The following RABGAP1L variants were observed in gnomAD, a reference collection of about 807,000 sequenced individuals.
RABGAP1L encodes the protein rab GTPase-activating protein 1-like.
A neutral mutation model predicts 137.7 loss-of-function variants in RABGAP1L; 63 were observed. The ratio of observed to expected loss-of-function variants is 0.46; its 90% confidence interval spans 0.37 to 0.56. The LOEUF (loss-of-function observed/expected upper bound fraction) is 0.56, where lower values mean the gene tolerates loss of function less well. Ranked by LOEUF, RABGAP1L falls within the 20% of genes least tolerant of loss-of-function variation. The pLI is 0.00. For missense variants in RABGAP1L, 1,095 were observed against 1,244.0 expected, an observed-to-expected ratio of 0.88 and a Z score of 1.80; for synonymous variants, 431 against 433.7, an observed-to-expected ratio of 0.99 and a Z score of 0.08.
chr1:174,958,193 G>A, intron 20 of RABGAP1L: 1 of 1,375,442 alleles, frequency 7.3e-7, no homozygotes, highest in South Asian at 1.2e-5. Flanking sequence ...GCACAGTAGT[G>A]GTGTTTGTTG....
At chr1:174,310,808 A>C (rs372331463) in intron 11 of RABGAP1L, among the ~76,000 whole-genome samples, 19 of 152,188 alleles carry the variant, frequency 1.2e-4, no homozygotes, top group African/African-American at 4.6e-4. Context: ...ATCATGGAGA[A>C]TGGAGTATTT....
intron 10 of RABGAP1L, among the ~76,000 whole-genome samples, chr1:174,293,469 T>C (rs1159970732): frequency 6.6e-6 from 1 of 152,204 alleles, no homozygotes; most frequent in Non-Finnish European, 1.5e-5. Flanking sequence ...TCTTGTTACA[T>C]GCTAACTCCA....
intron 11 of RABGAP1L, among the ~76,000 whole-genome samples, chr1:174,369,133 G>A (rs1684887083): frequency 6.6e-6 from 1 of 152,092 alleles, no homozygotes; most frequent in South Asian, 2.1e-4. Flanking sequence ...CAATTTATAA[G>A]TGGGCCAACT....
intron 13 of RABGAP1L, among the ~76,000 whole-genome samples, chr1:174,508,194 A>T (rs900087034): frequency 2.0e-5 from 3 of 152,126 alleles, no homozygotes; most frequent in African/African-American, 7.2e-5. Flanking sequence ...CTCTACAAAC[A>T]ATTTCAGGTT....
chr1:174,216,957 T>C (rs1184114790), intron 1 of RABGAP1L, among the ~76,000 whole-genome samples: 1 of 152,032 alleles, frequency 6.6e-6, no homozygotes, highest in Non-Finnish European at 1.5e-5. Context: ...ATGACGTAGA[T>C]TGAGGGAAGA....
At chr1:174,478,268 C>T (rs144550194) in intron 13 of RABGAP1L, among the ~76,000 whole-genome samples, 3,382 of 151,176 alleles carry the variant, frequency 0.022, 59 homozygotes, top group Middle Eastern at 0.088. Context: ...ATTTGTTTTT[C>T]GGAGGTGTGT....
chr1:174,989,069 TTTAA>T (rs1197628476), intron 25 of RABGAP1L, among the ~76,000 whole-genome samples: 2 of 152,196 alleles, frequency 1.3e-5, no homozygotes, highest in Non-Finnish European at 2.9e-5. Flanking sequence ...CTTATGGGAA[TTTAA>T]TTAAGCATAT....
At chr1:174,539,246 G>A (rs1015029916) in intron 13 of RABGAP1L, among the ~76,000 whole-genome samples, 1 of 150,672 alleles carries the variant, frequency 6.6e-6, no homozygotes, top group Non-Finnish European at 1.5e-5. Context: ...GGTAAACCGG[G>A]GTTTTATTTT....
At chr1:174,763,524 G>A (rs1261757398) in intron 18 of RABGAP1L, among the ~76,000 whole-genome samples, 3 of 151,302 alleles carry the variant, frequency 2.0e-5, no homozygotes, top group African/African-American at 4.9e-5. Context: ...GGTAGCGGGC[G>A]CCTGTAGTCC....
chr1:174,615,192 T>C (rs1003140138), intron 13 of RABGAP1L, among the ~76,000 whole-genome samples: 1 of 152,228 alleles, frequency 6.6e-6, no homozygotes, highest in Non-Finnish European at 1.5e-5. Context: ...CTCTGTTTTT[T>C]CCCCATCTTT....
intron 6 of RABGAP1L, among the ~76,000 whole-genome samples, chr1:174,252,076 G>A (rs1672758848): frequency 6.6e-6 from 1 of 151,982 alleles, no homozygotes; most frequent in Admixed American, 6.6e-5. Context: ...TGTATTTTTA[G>A]TAGAGATGGG....
At chr1:174,497,998 A>G (rs1407879433) in intron 13 of RABGAP1L, among the ~76,000 whole-genome samples, 1 of 152,206 alleles carries the variant, frequency 6.6e-6, no homozygotes, top group Admixed American at 6.5e-5. Context: ...AAAAGGAAAG[A>G]TAAAATCCCT....
chr1:174,808,990 C>T (rs1409028576), intron 18 of RABGAP1L, among the ~76,000 whole-genome samples: 1 of 152,106 alleles, frequency 6.6e-6, no homozygotes, highest in Non-Finnish European at 1.5e-5. Context: ...AAGATATTCC[C>T]ATTTTTTAAA....
chr1:174,541,925 G>A (rs1665491670), intron 13 of RABGAP1L, among the ~76,000 whole-genome samples: 1 of 152,214 alleles, frequency 6.6e-6, no homozygotes. Flanking sequence ...AACTAGCCTT[G>A]CATCCCAGGG....
intron 18 of RABGAP1L, among the ~76,000 whole-genome samples, chr1:174,765,747 T>A (rs978978461): frequency 2.0e-5 from 3 of 152,222 alleles, no homozygotes; most frequent in African/African-American, 7.2e-5. Flanking sequence ...ACATTTTTAA[T>A]TTTAAGGAAG....
Position 174,305,125 on chromosome 1 carries a change from A to T in RABGAP1L, c.1463A>T (p.Glu488Val). Residue 488 changes from glutamate (E) to valine (V), a missense_variant and splice_region_variant, in exon 11 of 26, where the codon GAG becomes GTG. Glu to Val is a moderately radical substitution (Grantham distance 121, BLOSUM62 -2). Around this residue, in one of 4 missense-constraint regions of RABGAP1L, gnomAD observed 315 missense variants for 324.8 expected, o/e 0.97. Transcript: ENST00000681986. ...PMSPQDDEAE[E>V]ESDNELSSGT... ...TCACCCCAGGATGATGAAGCAGAAG[A>T]GGGTAAGAAGTTGGACTTACTCAGT... 1.3e-6 allele frequency: 2 copies of T among 1,526,582 alleles called. No individual in the cohort carries two copies. The highest frequency in any genetic ancestry group is 1.7e-6 in the Non-Finnish European group (2 of 1,148,468). 94.6% of individuals were successfully genotyped at this position (1,526,582 alleles called of 1,614,324 possible). A position where few individuals can be genotyped will look rare whatever the true frequency, so the allele number is the denominator to read the frequency against.
At chr1:174,572,817 A>G (rs528086111) in intron 13 of RABGAP1L, among the ~76,000 whole-genome samples, 2 of 152,338 alleles carry the variant, frequency 1.3e-5, no homozygotes, top group South Asian at 4.1e-4. Flanking sequence ...AGCCACACTT[A>G]AGGCAGAAAA....
intron 10 of RABGAP1L, among the ~76,000 whole-genome samples, chr1:174,303,040 CTT>C (rs201856820): frequency 6.9e-6 from 1 of 145,984 alleles, no homozygotes; most frequent in Non-Finnish European, 1.5e-5. Flanking sequence ...GGGGCATTTT[CTT>C]TTTTTTTTTA....
intron 12 of RABGAP1L, among the ~76,000 whole-genome samples, chr1:174,372,687 A>C (rs573142229): frequency 6.6e-6 from 1 of 152,260 alleles, no homozygotes; most frequent in East Asian, 1.9e-4. Flanking sequence ...TCAAGACTTA[A>C]AGTGTTGTTG....
Sources: allele counts gnomAD v4.1 joint callset (sites outside exome capture counted in the v4.1 genomes callset), GRCh38; gene constraint gnomAD v4.1.1; regional missense constraint gnomAD v4.1.1; transcripts MANE v1.5; gene names NCBI Gene and HGNC (gene_info 2026-07-23, HGNC 2026-07-21).